CDK14: variants seen among roughly 807,000 people sequenced by gnomAD.
CDK14 encodes cyclin-dependent kinase 14.
CDK14 carries 34 observed loss-of-function variants against 60.7 expected under a neutral mutation model. The observed-to-expected ratio is 0.56, with a 90% CI of 0.43 to 0.75. CDK14 has a LOEUF of 0.75. Ranked by LOEUF, CDK14 falls within the 30% of genes least tolerant of loss-of-function variation. The pLI is 0.00. For synonymous variants in CDK14, 197 were observed against 203.7 expected (o/e 0.97, Z 0.28); for missense variants, 482 against 564.1 (o/e 0.85, Z 1.47).
At chr7:91,004,582 A>T (rs1367102548) in intron 10 of CDK14, among the ~76,000 whole-genome samples, 2 of 152,212 alleles carry the variant, frequency 1.3e-5, no homozygotes, top group Non-Finnish European at 2.9e-5. Context: ...TTCCTTAAAG[A>T]ATATCAATTG....
intron 2 of CDK14, among the ~76,000 whole-genome samples, chr7:90,686,123 AATG>A (rs1314762397): frequency 2.0e-5 from 3 of 152,276 alleles, no homozygotes; most frequent in African/African-American, 7.2e-5. Flanking sequence ...TCATAAGAAT[AATG>A]AGATGATCTT....
intron 14 of CDK14, among the ~76,000 whole-genome samples, chr7:91,172,951 A>G (rs1246287914): frequency 6.6e-6 from 1 of 152,124 alleles, no homozygotes; most frequent in Non-Finnish European, 1.5e-5. Context: ...TTGAACGAGG[A>G]TGAAGGTACC....
chr7:90,599,182 G>C (rs994167013), intron 1 of CDK14, among the ~76,000 whole-genome samples: 1 of 152,202 alleles, frequency 6.6e-6, no homozygotes, highest in Non-Finnish European at 1.5e-5. Context: ...ACTCAGTTTC[G>C]TTGTTGGCTT....
intron 14 of CDK14, among the ~76,000 whole-genome samples, chr7:91,191,397 AAG>A (rs965004173): frequency 6.6e-6 from 1 of 152,062 alleles, no homozygotes; most frequent in African/African-American, 2.4e-5. Context: ...CAAATGAAAA[AAG>A]TTTAAATTTC....
chr7:91,056,350 A>G (rs960514697), intron 11 of CDK14, among the ~76,000 whole-genome samples: 4 of 150,962 alleles, frequency 2.6e-5, no homozygotes, highest in African/African-American at 9.7e-5. Flanking sequence ...GGAAGCACAG[A>G]GAACAGCATG....
chr7:91,106,510 AAAT>A (rs1003958305), intron 12 of CDK14, among the ~76,000 whole-genome samples: 33 of 152,296 alleles, frequency 2.2e-4, no homozygotes, highest in South Asian at 4.1e-4. Context: ...TGGGTAAATA[AAAT>A]AATAACAGTA....
intron 6 of CDK14, among the ~76,000 whole-genome samples, chr7:90,885,721 A>T (rs1418051353): frequency 6.6e-6 from 1 of 152,226 alleles, no homozygotes; most frequent in Non-Finnish European, 1.5e-5. Flanking sequence ...TACACCATGG[A>T]ATGCTATGCA....
chr7:90,741,785 T>C (rs1251819092), intron 3 of CDK14, among the ~76,000 whole-genome samples: 1 of 152,194 alleles, frequency 6.6e-6, no homozygotes, highest in African/African-American at 2.4e-5. Flanking sequence ...TATTTCACCA[T>C]TTAATATGAG....
At chr7:90,787,252 G>T (rs1179134194) in intron 4 of CDK14, among the ~76,000 whole-genome samples, 3 of 152,196 alleles carry the variant, frequency 2.0e-5, no homozygotes, top group African/African-American at 7.2e-5. Flanking sequence ...GATTATTAAA[G>T]ATTAGTAAGG....
In CDK14 at chr7:90,896,068, CTCTT is replaced by C. The variant is rs979522664; in HGVS notation, c.640-3221_640-3218del. Among the ~76,000 whole-genome samples, 112 of 151,896 alleles carry C rather than the reference CTCTT, an allele frequency of 7.4e-4. 1 individual carries two copies. The highest frequency in any genetic ancestry group is 1.3e-4 in the Non-Finnish European group (9 of 67,962). ...TATTAACTGCATTGATCCCTTCTCT[CTCTT>C]TTTTTTCTTGTCTCTTTTGTTTTCT... On this transcript the variant is annotated intron_variant, in intron 6 of 14. Transcript: ENST00000380050.
At chr7:90,972,667 TC>T (rs1794963380) in intron 9 of CDK14, among the ~76,000 whole-genome samples, 2 of 152,242 alleles carry the variant, frequency 1.3e-5, no homozygotes, top group Admixed American at 6.5e-5. Context: ...TTGTATTGCA[TC>T]CCTGTGTGTT....
intron 11 of CDK14, among the ~76,000 whole-genome samples, chr7:91,071,013 T>C (rs953393118): frequency 2.0e-5 from 3 of 152,120 alleles, no homozygotes; most frequent in South Asian, 2.1e-4. Context: ...TCCATAATGA[T>C]TGATTTTTAC....
chr7:90,844,911 C>T (rs1790417115), intron 5 of CDK14, among the ~76,000 whole-genome samples: 1 of 152,108 alleles, frequency 6.6e-6, no homozygotes, highest in Non-Finnish European at 1.5e-5. Context: ...GGAGCTCTCT[C>T]CTTAGCTCTG....
chr7:90,677,298 C>A (rs1801221561), intron 2 of CDK14, among the ~76,000 whole-genome samples: 1 of 152,138 alleles, frequency 6.6e-6, no homozygotes, highest in South Asian at 2.1e-4. Flanking sequence ...CCTACCAATT[C>A]CCTCCTAAAT....
intron 11 of CDK14, among the ~76,000 whole-genome samples, chr7:91,064,021 A>G (rs1448607599): frequency 1.3e-5 from 2 of 152,328 alleles, no homozygotes; most frequent in South Asian, 4.1e-4. Flanking sequence ...AAACTGAGGC[A>G]TGGAATGATT....
chr7:90,903,948 C>T (rs1792607800), intron 7 of CDK14, among the ~76,000 whole-genome samples: 1 of 152,092 alleles, frequency 6.6e-6, no homozygotes, highest in Non-Finnish European at 1.5e-5. Context: ...TACAGCATTT[C>T]CTGACTCTCC....
chr7:91,144,014 G>A (rs1260053051), intron 14 of CDK14, among the ~76,000 whole-genome samples: 5 of 152,142 alleles, frequency 3.3e-5, no homozygotes, highest in Non-Finnish European at 7.4e-5. Flanking sequence ...CATTATTTTA[G>A]ATGTTTCAGT....
At chr7:90,678,547 A>T (rs951046251) in intron 2 of CDK14, among the ~76,000 whole-genome samples, 8 of 152,342 alleles carry the variant, frequency 5.3e-5, no homozygotes, top group African/African-American at 1.9e-4. Context: ...AGGTGTGATG[A>T]ATTCCTCCTT....
chr7:90,946,356 T>C (rs1199760138), intron 8 of CDK14, among the ~76,000 whole-genome samples: 2 of 152,182 alleles, frequency 1.3e-5, no homozygotes, highest in African/African-American at 4.8e-5. Context: ...TCACCAGGTG[T>C]CACAAAGTAG....
Sources: gnomAD v4.1 joint callset for allele counts (sites outside exome capture counted in the v4.1 genomes callset) on GRCh38, gnomAD v4.1.1 for gene constraint, MANE v1.5 for transcripts, NCBI Gene and HGNC (gene_info 2026-07-23, HGNC 2026-07-21) for gene names.